Variants in MBP observed in about 807,000 individuals in gnomAD.
MBP encodes Golli-MBP.
Under a neutral mutation model 35.8 loss-of-function variants are expected in MBP, and 16 were observed. That is an observed-to-expected ratio of 0.45 (90% confidence interval 0.30 to 0.68). The LOEUF (loss-of-function observed/expected upper bound fraction) is 0.68, where lower values mean the gene tolerates loss of function less well. MBP is among the 30% of genes least tolerant of loss of function. MBP has a pLI of 0.08. For missense variants in MBP, 380 were observed against 404.7 expected (o/e 0.94, Z 0.52); for synonymous variants, 143 against 159.6 (o/e 0.90, Z 0.78).
At chr18:77,021,606 C>T (rs1406571313) in intron 3 of MBP, among the ~76,000 whole-genome samples, 1 of 151,972 alleles carries the variant, frequency 6.6e-6, no homozygotes, top group Non-Finnish European at 1.5e-5. Context: ...GCGTCAGCCT[C>T]CCAAGTAGCT....
chr18:77,013,146 ATTTG>A (rs1202263682), intron 4 of MBP: 25 of 985,332 alleles, frequency 2.5e-5, no homozygotes, highest in Non-Finnish European at 2.8e-5. Context: ...CTCAAAAGGT[ATTTG>A]TTTGGGTGCA....
At chr18:77,026,302 C>T (rs189069760) in intron 3 of MBP, among the ~76,000 whole-genome samples, 8 of 152,366 alleles carry the variant, frequency 5.3e-5, no homozygotes, top group African/African-American at 1.7e-4. Flanking sequence ...GTGATACCTT[C>T]TGGGTTTGCA....
At chr18:77,012,397 A>G (rs1971404676) in intron 4 of MBP, among the ~76,000 whole-genome samples, 1 of 152,168 alleles carries the variant, frequency 6.6e-6, no homozygotes, top group Non-Finnish European at 1.5e-5. Flanking sequence ...CCTCCCTAAC[A>G]TTTGCGGGAT....
Position 77,033,945 on chromosome 18 carries a change from C to T in MBP, c.140-16677G>A, listed in dbSNP as rs557124222. 9.9e-5 allele frequency among the ~76,000 whole-genome samples: 15 copies of T among 151,374 alleles called. No individual in the cohort carries two copies. In the South Asian group the frequency reaches 1.7e-3, roughly 17 times the overall value. On this transcript the variant is annotated intron_variant, in intron 3 of 8. Coordinates refer to ENST00000355994, the MANE Select transcript of MBP (RefSeq NM_001025101.2). ...AGGCACAGTTCTAAGGATGCTCCCA[C>T]TAATCCTCACCCTGACAGAGTCCCG...
intron 3 of MBP, among the ~76,000 whole-genome samples, chr18:77,021,625 AG>A (rs1971991526): frequency 6.6e-6 from 1 of 152,028 alleles, no homozygotes; most frequent in East Asian, 1.9e-4. Flanking sequence ...CTGGGATTAC[AG>A]GCGCCTGCCA....
chr18:77,042,412 G>C (rs148691512), intron 3 of MBP, among the ~76,000 whole-genome samples: 250 of 152,252 alleles, frequency 1.6e-3, no homozygotes, highest in Non-Finnish European at 2.6e-3. Context: ...AGAGTGTCAG[G>C]CTTAACTTTC....
At chr18:77,089,507 G>A (rs1342663462) in intron 2 of MBP, among the ~76,000 whole-genome samples, 1 of 152,234 alleles carries the variant, frequency 6.6e-6, no homozygotes, top group Non-Finnish European at 1.5e-5. Context: ...GCCTCCAGAA[G>A]CCCTGAGGGG....
At chr18:77,051,032 A>G (rs963449370) in intron 3 of MBP, among the ~76,000 whole-genome samples, 5 of 152,132 alleles carry the variant, frequency 3.3e-5, no homozygotes, top group African/African-American at 1.2e-4. Flanking sequence ...TGGAACATGA[A>G]GACATAATTT....
intron 1 of MBP, among the ~76,000 whole-genome samples, chr18:77,125,653 T>G (rs1568352167): frequency 6.6e-6 from 1 of 152,216 alleles, no homozygotes; most frequent in Non-Finnish European, 1.5e-5. Context: ...TTGTCCATGT[T>G]GATACACAAA....
Position 77,060,566 on chromosome 18 carries a change from T to C in MBP, c.139+5732A>G, listed in dbSNP as rs1973939638. ...CCTCCTGGGTTCAAGGAATTCTGCC[T>C]CAGCCTTCCAAGTAGCCAGGATTAC... On this transcript the variant is annotated intron_variant, in intron 3 of 8. Coordinates refer to ENST00000355994, the MANE Select transcript of MBP (RefSeq NM_001025101.2). 4.0e-5 allele frequency among the ~76,000 whole-genome samples: 6 copies of C among 150,072 alleles called. No homozygotes were observed. The Admixed American group carries it at 4.0e-4, about 10-fold the overall frequency.
At chr18:77,049,351 G>GA (rs1380214476) in intron 3 of MBP, among the ~76,000 whole-genome samples, 1 of 152,236 alleles carries the variant, frequency 6.6e-6, no homozygotes, top group Non-Finnish European at 1.5e-5. Context: ...CTTGATGCAT[G>GA]ATGAAGATGG....
At chr18:77,132,467 G>T (rs987957807) in intron 1 of MBP, 113 bp downstream of exon 1, 2 of 152,228 alleles carry the variant, frequency 1.3e-5, no homozygotes, top group Non-Finnish European at 2.9e-5. Context: ...TTGCGCCCCC[G>T]GCTCCCGCGG....
chr18:77,081,786 A>ACACGTATATATATATG (rs1568329874), intron 2 of MBP, among the ~76,000 whole-genome samples: 1 of 148,520 alleles, frequency 6.7e-6, no homozygotes, highest in African/African-American at 2.5e-5. Context: ...ACACACACAC[A>ACACGTATATATATATG]CACACACGTA....
chr18:77,064,197 T>C (rs1373949490), intron 3 of MBP, among the ~76,000 whole-genome samples: 1 of 152,212 alleles, frequency 6.6e-6, no homozygotes, highest in African/African-American at 2.4e-5. Context: ...TAGGCAGATT[T>C]ATTCTTAAAA....
rs372492533 is a variant in MBP, at chr18:77,009,150, G to A, written c.576+7682C>T. Among the ~76,000 whole-genome samples the A allele has an allele frequency of 1.3e-3, 194 of 152,334 alleles. 1 individual carries two copies. Among genetic ancestry groups the A allele is most frequent in the African/African-American group, 4.3e-3 (179 of 41,566 alleles). On this transcript the variant is annotated intron_variant, in intron 4 of 8. Coordinates refer to ENST00000355994, the MANE Select transcript of MBP (RefSeq NM_001025101.2). ...TGGTGACCGCTCCTAGTGTGCAAAC[G>A]GCAGCCCTGCTCACGGTGACGGCAG...
At chr18:77,029,453 A>AGGGGGG (rs1972456958) in intron 3 of MBP, among the ~76,000 whole-genome samples, 2 of 11,702 alleles carry the variant, frequency 1.7e-4, no homozygotes, top group African/African-American at 7.4e-4. Context: ...GGGGAGGGGG[A>AGGGGGG]GGGGGAGGGG....
chr18:77,045,326 G>A (rs1973192576), intron 3 of MBP, among the ~76,000 whole-genome samples: 1 of 152,162 alleles, frequency 6.6e-6, no homozygotes, highest in Admixed American at 6.5e-5. Flanking sequence ...GGTCTCTGGA[G>A]CCCGGCTGCC....
intron 2 of MBP, among the ~76,000 whole-genome samples, chr18:77,081,676 ACTC>A (rs962073013): frequency 6.6e-6 from 1 of 151,632 alleles, no homozygotes; most frequent in Non-Finnish European, 1.5e-5. Flanking sequence ...CCACAACTCC[ACTC>A]CTAAGAATAC....
chr18:76,981,672 C>G (rs2123040752), intron 8 of MBP: 1 of 152,376 alleles, frequency 6.6e-6, no homozygotes, highest in East Asian at 1.9e-4. Context: ...AGACAGGCAG[C>G]TTTCTCACAT....
Sources: gnomAD v4.1 joint callset for allele counts (sites outside exome capture counted in the v4.1 genomes callset) on GRCh38, gnomAD v4.1.1 for gene constraint, MANE v1.5 for transcripts, NCBI Gene and HGNC (gene_info 2026-07-23, HGNC 2026-07-21) for gene names.